The following SLC38A8 variants were observed in gnomAD, a reference collection of about 807,000 sequenced individuals.
The protein encoded by SLC38A8 is amino acid transporter SLC38A8.
A neutral mutation model predicts 46.0 loss-of-function variants in SLC38A8; 65 were observed. The observed-to-expected ratio is 1.41, with a 90% confidence interval of 1.16 to 1.74. The LOEUF (loss-of-function observed/expected upper bound fraction) is 1.74, where lower values mean the gene tolerates loss of function less well. Ranked by LOEUF, SLC38A8 falls within the 40% of genes most tolerant of loss-of-function variation. The pLI, the probability that SLC38A8 is intolerant of heterozygous loss-of-function variation, is 0.00. For synonymous variants in SLC38A8, 447 were observed against 243.7 expected (o/e 1.83, Z -7.77); for missense variants, 998 against 567.9 (o/e 1.76, Z -7.70).
intron 2 of SLC38A8, chr16:84,039,890 G>A (rs934038578): frequency 1.3e-5 from 2 of 152,204 alleles, no homozygotes; most frequent in Non-Finnish European, 2.9e-5. Context: ...CGGTCGCCAT[G>A]CCAGACCCAG....
rs1752776936 is a variant in SLC38A8, at chr16:84,016,542, G to A, written c.1139C>T (p.Ser380Phe). 1 of 1,613,930 alleles carries A rather than the reference G, an allele frequency of 6.2e-7. No homozygotes were observed. Among genetic ancestry groups the A allele is most frequent in the African/African-American group, 1.3e-5 (1 of 74,936 alleles). Reference sequence around the variant, plus strand: ...ACCTGGGAAGATGAAGATGAAGAAGGAACTGATGCCTCCGATGATGCTGAC... The same window carrying A: ...ACCTGGGAAGATGAAGATGAAGAAGAAACTGATGCCTCCGATGATGCTGAC... ...EIVSIIGGIS[S>F]FFIFIFPGLC... Residue 380 changes from serine to phenylalanine, a missense_variant, in exon 9 of 11, where the codon TCC becomes TTC. Transcript: ENST00000299709.
chr16:84,029,026 C>G (rs2085203424), intron 6 of SLC38A8, among the ~76,000 whole-genome samples: 1 of 152,150 alleles, frequency 6.6e-6, no homozygotes, highest in Non-Finnish European at 1.5e-5. Flanking sequence ...TGTACACCTT[C>G]CAGCTCCTCT....
chr16:84,032,913 T>TG (rs2085260031), intron 4 of SLC38A8, among the ~76,000 whole-genome samples: 1 of 77,904 alleles, frequency 1.3e-5, no homozygotes, highest in African/African-American at 6.2e-5. Context: ...TGGGTGAGCA[T>TG]GGGTGGGTGT....
chr16:84,027,807 T>A (rs886757321), intron 6 of SLC38A8, among the ~76,000 whole-genome samples: 9 of 152,176 alleles, frequency 5.9e-5, no homozygotes, highest in African/African-American at 2.2e-4. Flanking sequence ...GGGGCACCCC[T>A]TGCAAGCATC....
In SLC38A8 at chr16:84,016,663, C is replaced by T. The variant is rs200459710; in HGVS notation, c.1018G>A (p.Asp340Asn). The T allele has an allele frequency of 2.7e-4, 439 of 1,613,530 alleles. No individual in the cohort carries two copies. The highest frequency in any genetic ancestry group is 3.4e-4 in the Non-Finnish European group (402 of 1,180,026). ...ATCCGGACCCACAGCCCTGAGGGGT[C>T]GGCCAGGGCGCTGGGCCCCCATCCC... ...LGGWGPSALA[D>N]PSGLWVRMPL... The change falls in exon 9 of 11, where the codon GAC (aspartate) becomes AAC (asparagine). Residue 340 changes from aspartate (D) to asparagine (N), a missense_variant. Transcript: ENST00000299709.
chr16:84,013,723 C>A (rs1439634331), intron 9 of SLC38A8, among the ~76,000 whole-genome samples: 4 of 146,436 alleles, frequency 2.7e-5, no homozygotes, highest in Non-Finnish European at 6.0e-5. Context: ...GCCACTGCAC[C>A]CAGCCCTTTT....
chr16:84,032,273 C>G (rs1303309462), intron 4 of SLC38A8, among the ~76,000 whole-genome samples: 2 of 152,328 alleles, frequency 1.3e-5, no homozygotes, highest in South Asian at 2.1e-4. Flanking sequence ...ACTGCAAACT[C>G]TGCCTCCCGG....
chr16:84,025,289 T>C (rs2085148622), intron 6 of SLC38A8, among the ~76,000 whole-genome samples: 1 of 152,140 alleles, frequency 6.6e-6, no homozygotes. Flanking sequence ...GCCCGCCCTG[T>C]AGGGACCCTA....
intron 5 of SLC38A8, among the ~76,000 whole-genome samples, chr16:84,031,494 C>T (rs550461941): frequency 9.2e-5 from 14 of 152,346 alleles, no homozygotes; most frequent in South Asian, 4.1e-4. Context: ...GCCCTTGTTC[C>T]GGCTGGCTTG....
intron 10 of SLC38A8, among the ~76,000 whole-genome samples, chr16:84,010,524 C>A (rs1043939672): frequency 2.0e-5 from 3 of 151,780 alleles, no homozygotes; most frequent in Admixed American, 6.6e-5. Context: ...GCGGATTCAC[C>A]TGAGGTCATG....
intron 3 of SLC38A8, among the ~76,000 whole-genome samples, chr16:84,034,989 C>G (rs58488568): frequency 1.3e-5 from 2 of 151,380 alleles, no homozygotes; most frequent in Non-Finnish European, 3.0e-5. Context: ...CAACCTCTAT[C>G]TAGCACTCCG....
intron 8 of SLC38A8, 137 bp from the exon 9 acceptor site, chr16:84,016,864 G>T: frequency 8.9e-7 from 1 of 1,126,348 alleles, no homozygotes; most frequent in Non-Finnish European, 1.2e-6. Flanking sequence ...TTATTCCCCA[G>T]GAGACCTTGC....
At chr16:84,016,131 G>C (rs978832848) in intron 9 of SLC38A8, among the ~76,000 whole-genome samples, 7 of 150,486 alleles carry the variant, frequency 4.7e-5, no homozygotes, top group African/African-American at 1.7e-4. Flanking sequence ...CTGGGGGGCG[G>C]GGGGGGACCC....
chr16:84,020,917 T>C (rs1340689316), intron 7 of SLC38A8, among the ~76,000 whole-genome samples: 1 of 152,238 alleles, frequency 6.6e-6, no homozygotes. Context: ...CTTGCTGCTT[T>C]GGTTCTCTTT....
At chr16:84,009,987 G>C (rs1382400216) in intron 10 of SLC38A8, 110 bp from the exon 11 acceptor site, 6 of 762,336 alleles carry the variant, frequency 7.9e-6, no homozygotes, top group Admixed American at 3.7e-5. Flanking sequence ...CATCAATTTG[G>C]AAAAAAGAAA....
rs760391436 is a variant in SLC38A8 at position 84,036,697 on chromosome 16, C to T, written c.388+5G>A. 2.9e-5 allele frequency: 47 copies of T among 1,614,000 alleles called. 1 individual carries two copies. The Admixed American group carries it at 4.8e-4, about 17-fold the overall frequency. ...GGCCACCCCGAGTCCCATGAAGGTA[C>T]TTACGCTTCTCCAGCTGGTCCCCGA... On this transcript the variant is annotated splice_donor_5th_base_variant and intron_variant, in intron 3 of 10. Coordinates refer to ENST00000299709, the MANE Select transcript of SLC38A8 (RefSeq NM_001080442.3).
intron 6 of SLC38A8, among the ~76,000 whole-genome samples, chr16:84,023,252 A>G (rs11861419): frequency 0.064 from 9,779 of 152,016 alleles, 1,045 homozygotes; most frequent in African/African-American, 0.22. Context: ...CAAATGTTCA[A>G]CTGAGGCTAG....
intron 3 of SLC38A8, among the ~76,000 whole-genome samples, chr16:84,034,395 A>G (rs1294086480): frequency 2.0e-5 from 3 of 152,206 alleles, no homozygotes; most frequent in Non-Finnish European, 4.4e-5. Context: ...CCACAGTGGG[A>G]TGAATGATTT....
Position 84,027,792 on chromosome 16 carries a change from G to C in SLC38A8, c.690+1702C>G, listed in dbSNP as rs138707959. On this transcript the variant is annotated intron_variant, in intron 6 of 10. Coordinates refer to ENST00000299709, the MANE Select transcript of SLC38A8 (RefSeq NM_001080442.3). ...GAATCCGGTGAGGGCTGGAGGCAAA[G>C]GTGAGGGGCACCCCTTGCAAGCATC... Among the ~76,000 whole-genome samples the C allele has an allele frequency of 1.3e-3, 197 of 152,324 alleles. 8 individuals are homozygous for C. The East Asian group carries it at 0.034, about 26-fold the overall frequency.
Sources: gnomAD v4.1 joint callset for allele counts (sites outside exome capture counted in the v4.1 genomes callset) on GRCh38, gnomAD v4.1.1 for gene constraint, MANE v1.5 for transcripts, NCBI Gene and HGNC (gene_info 2026-07-23, HGNC 2026-07-21) for gene names.